The following EXOC4 variants were observed in gnomAD, a reference collection of about 807,000 sequenced individuals.
The protein encoded by EXOC4 is exocyst complex component 4.
EXOC4 carries 71 observed loss-of-function variants against 107.2 expected under a neutral mutation model. That is an observed-to-expected ratio of 0.66 (90% CI 0.55 to 0.81). The LOEUF (loss-of-function observed/expected upper bound fraction) is 0.81, where lower values mean the gene tolerates loss of function less well. EXOC4 is among the 30% of genes least tolerant of loss of function. EXOC4 has a pLI of 0.00. For missense variants in EXOC4, 1,108 were observed against 1,189.6 expected, an observed-to-expected ratio of 0.93 and a Z score of 1.01; for synonymous variants, 456 against 441.2, an observed-to-expected ratio of 1.03 and a Z score of -0.42.
At chr7:134,079,330 A>G in the EXOC4 span, among the ~76,000 whole-genome samples, 1 of 152,196 alleles carries the variant, frequency 6.6e-6, no homozygotes, top group Non-Finnish European at 1.5e-5. Flanking sequence ...ATCTAGAGAC[A>G]GAGTTCTGCA....
At chr7:133,659,890 C>T (rs1489005103) in intron 10 of EXOC4, among the ~76,000 whole-genome samples, 1 of 152,204 alleles carries the variant, frequency 6.6e-6, no homozygotes, top group Non-Finnish European at 1.5e-5. Context: ...CAATTTGCTT[C>T]TTAAGCAGGC....
At chr7:133,934,773 TA>T (rs1288551555) in intron 13 of EXOC4, among the ~76,000 whole-genome samples, 1 of 151,978 alleles carries the variant, frequency 6.6e-6, no homozygotes, top group Non-Finnish European at 1.5e-5. Context: ...AGTTGATATA[TA>T]AGGGCAGATT....
At chr7:133,707,427 G>GT (rs111560306) in intron 10 of EXOC4, among the ~76,000 whole-genome samples, 2,691 of 144,584 alleles carry the variant, frequency 0.019, 31 homozygotes, top group Middle Eastern at 0.04. Context: ...GCCATTGTTG[G>GT]TTTTTTTTTT....
At chr7:133,807,228 C>T (rs1338220790) in intron 10 of EXOC4, among the ~76,000 whole-genome samples, 1 of 151,836 alleles carries the variant, frequency 6.6e-6, no homozygotes, top group African/African-American at 2.4e-5. Context: ...GTTAATGTTA[C>T]TGCCATTTTT....
At chr7:133,930,700 G>A (rs938373228) in intron 13 of EXOC4, 6 of 152,012 alleles carry the variant, frequency 3.9e-5, no homozygotes, top group African/African-American at 1.5e-4. Flanking sequence ...CTCTTCCTCT[G>A]TAAACGACAA....
In EXOC4 at chr7:133,657,821, T is replaced by C. The variant is rs1212894574; in HGVS notation, c.1514+27680T>C. Among the ~76,000 whole-genome samples, 4 of 152,222 alleles carry C rather than the reference T, an allele frequency of 2.6e-5. No homozygotes were observed. The East Asian group carries it at 7.7e-4, about 29-fold the overall frequency. Reference sequence around the variant, plus strand: ...TCCTTGGACTTTGTCAAGGCTTAGTTTGCTTGCTTATTTGTTCATTGGTTT... The same window carrying C: ...TCCTTGGACTTTGTCAAGGCTTAGTCTGCTTGCTTATTTGTTCATTGGTTT... On this transcript the variant is annotated intron_variant, in intron 10 of 17. Transcript: ENST00000253861.
At chr7:134,052,300 G>A (rs757637471) in intron 17 of EXOC4, among the ~76,000 whole-genome samples, 12 of 152,086 alleles carry the variant, frequency 7.9e-5, no homozygotes, top group Non-Finnish European at 1.8e-4. Flanking sequence ...GTTTGAAGCA[G>A]ACATGAAAGA....
At chr7:133,927,062 G>A (rs1045852618) in intron 13 of EXOC4, among the ~76,000 whole-genome samples, 2 of 151,570 alleles carry the variant, frequency 1.3e-5, no homozygotes, top group Admixed American at 6.6e-5. Context: ...AGAGGTCCTC[G>A]TACCATAGGT....
At chr7:133,607,970 G>C (rs1801987373) in intron 9 of EXOC4, among the ~76,000 whole-genome samples, 1 of 152,324 alleles carries the variant, frequency 6.6e-6, no homozygotes, top group Non-Finnish European at 1.5e-5. Context: ...TCATTTTTAA[G>C]TCATCCTTTA....
chr7:133,322,191 T>C (rs1265970811), intron 5 of EXOC4, among the ~76,000 whole-genome samples: 1 of 152,246 alleles, frequency 6.6e-6, no homozygotes, highest in African/African-American at 2.4e-5. Context: ...CTGATGATAG[T>C]TTCTTTTGCT....
the EXOC4 span, among the ~76,000 whole-genome samples, chr7:134,099,918 G>GC: frequency 6.6e-6 from 1 of 151,904 alleles, no homozygotes; most frequent in Admixed American, 6.6e-5. Context: ...TGTTGGCCAG[G>GC]CTGGTCTCGA....
At chr7:133,867,097 A>G (rs1798656925) in intron 11 of EXOC4, among the ~76,000 whole-genome samples, 2 of 152,208 alleles carry the variant, frequency 1.3e-5, no homozygotes, top group Non-Finnish European at 2.9e-5. Flanking sequence ...CAGTCCAGGC[A>G]TTCCCAGGCC....
intron 10 of EXOC4, among the ~76,000 whole-genome samples, chr7:133,800,182 G>A (rs113946895): frequency 7.4e-4 from 112 of 152,244 alleles, no homozygotes; most frequent in African/African-American, 2.6e-3. Context: ...GAATGTGAAA[G>A]TGACTAAAAA....
intron 17 of EXOC4, among the ~76,000 whole-genome samples, chr7:134,028,163 A>G (rs1180834035): frequency 1.3e-5 from 2 of 152,250 alleles, no homozygotes; most frequent in Non-Finnish European, 2.9e-5. Context: ...CCCATTAACC[A>G]TAATATCCAC....
intron 11 of EXOC4, among the ~76,000 whole-genome samples, chr7:133,846,974 G>T (rs147008315): frequency 1.3e-3 from 200 of 152,274 alleles, no homozygotes; most frequent in African/African-American, 4.6e-3. Flanking sequence ...AGTTACATGG[G>T]ATAATTTAAT....
intron 9 of EXOC4, chr7:133,576,902 T>C: frequency 7.8e-7 from 1 of 1,281,684 alleles, no homozygotes; most frequent in Non-Finnish European, 1.0e-6. Context: ...AATTAACTTG[T>C]TTGTTCTTGC....
chr7:133,940,131 C>A (rs1045409047), intron 14 of EXOC4, among the ~76,000 whole-genome samples: 2 of 152,072 alleles, frequency 1.3e-5, no homozygotes. Context: ...AATGACATAC[C>A]ATTCTAGATT....
chr7:133,947,937 G>C (rs1275896325), intron 14 of EXOC4, among the ~76,000 whole-genome samples: 4 of 152,184 alleles, frequency 2.6e-5, no homozygotes, highest in African/African-American at 4.8e-5. Flanking sequence ...TGGGAAAGAG[G>C]AGAGACAGAA....
At chr7:133,377,226 C>T (rs960153172) in intron 7 of EXOC4, among the ~76,000 whole-genome samples, 2 of 152,034 alleles carry the variant, frequency 1.3e-5, no homozygotes, top group African/African-American at 4.8e-5. Flanking sequence ...TGGTGGCAGG[C>T]ACCTGTAATC....
Sources: gnomAD v4.1 joint callset for allele counts (sites outside exome capture counted in the v4.1 genomes callset) on GRCh38, gnomAD v4.1.1 for gene constraint, MANE v1.5 for transcripts, NCBI Gene and HGNC (gene_info 2026-07-23, HGNC 2026-07-21) for gene names.